The following SFPQ variants were observed in gnomAD, a reference collection of about 807,000 sequenced individuals.
SFPQ encodes the protein splicing factor, proline- and glutamine-rich.
A neutral mutation model predicts 72.9 loss-of-function variants in SFPQ; 11 were observed. The observed-to-expected ratio is 0.15, with a 90% confidence interval of 0.09 to 0.25. The LOEUF (loss-of-function observed/expected upper bound fraction) is 0.25. Ranked by LOEUF, SFPQ falls within the 10% of genes least tolerant of loss-of-function variation. The pLI is 1.00. For synonymous variants in SFPQ, 506 were observed against 367.3 expected (o/e 1.38, Z -4.32); for missense variants, 847 against 993.3 (o/e 0.85, Z 1.98).
downstream of SFPQ, chr1:35,178,488 G>A (rs1441325268): frequency 9.4e-7 from 1 of 1,063,672 alleles, no homozygotes. Context: ...TCCTCCAAGA[G>A]TGCCCAACTC....
chr1:35,189,957 C>A (rs1376401517), intron 4 of SFPQ, among the ~76,000 whole-genome samples: 5 of 150,982 alleles, frequency 3.3e-5, no homozygotes, highest in Non-Finnish European at 4.4e-5. Context: ...AGCTCAAAAA[C>A]AAAACAAAAA....
intron 6 of SFPQ, among the ~76,000 whole-genome samples, chr1:35,188,401 T>C (rs1331106939): frequency 1.3e-5 from 2 of 152,348 alleles, no homozygotes; most frequent in African/African-American, 4.8e-5. Flanking sequence ...TGTTAGTGCA[T>C]AAGTCAAGGA....
At chr1:35,192,153 G>T (rs906333088) in intron 1 of SFPQ, 69 bp downstream of exon 1, 2 of 1,214,684 alleles carry the variant, frequency 1.6e-6, no homozygotes, top group Admixed American at 4.2e-5. Context: ...GCCCAGCGCG[G>T]GGGCGGGGGC....
Position 35,183,242 on chromosome 1 carries a change from ACAGAGT to A in SFPQ, c.*1208_*1213del. ...TACTAAACCTTTTTTTTTTTTTGAG[ACAGAGT>A]CTCGCTCTGTTGTCCAGGCTGGAGT... On this transcript the variant is annotated 3_prime_UTR_variant, in exon 10 of 10. Coordinates refer to ENST00000357214, the MANE Select transcript of SFPQ (RefSeq NM_005066.3). 3.4e-6 allele frequency: 3 copies of A among 880,782 alleles called. No homozygotes were observed. Among genetic ancestry groups the A allele is most frequent in the Non-Finnish European group, 4.1e-6 (3 of 726,478 alleles). 54.6% of individuals were successfully genotyped at this position (880,782 alleles called of 1,614,324 possible).
downstream of SFPQ, chr1:35,179,638 C>T: frequency 1.9e-6 from 2 of 1,055,134 alleles, no homozygotes; most frequent in Non-Finnish European, 2.3e-6. Context: ...CTAGTAAGAA[C>T]ACACTAACGT....
At chr1:35,176,873 CAAAAA>C (rs10604866) in intron 5 of SFPQ, among the ~76,000 whole-genome samples, 3 of 91,646 alleles carry the variant, frequency 3.3e-5, no homozygotes, top group Non-Finnish European at 8.2e-5. Flanking sequence ...GACTCCGTCT[CAAAAA>C]AAAAAAAAAA....
At chr1:35,189,548 ACT>A (rs1639893237) in intron 4 of SFPQ, among the ~76,000 whole-genome samples, 166 bp from the exon 5 acceptor site, 1 of 152,170 alleles carries the variant, frequency 6.6e-6, no homozygotes. Context: ...TACTCAGAAC[ACT>A]CAGTAAAAGA....
chr1:35,192,801 T>TGGCGGCTGCTGCGGC lies in SFPQ; in HGVS notation c.234_248dup (p.Gln80_Pro84dup), dbSNP rs1557819576. On this transcript the variant is annotated inframe_insertion, in exon 1 of 10. Coordinates refer to ENST00000357214, the MANE Select transcript of SFPQ (RefSeq NM_005066.3). ...GTGGATGCGGCGGCGGCTGATGCGGTGGCGGCTGCTGCGGCGGTGGCTGCT... is the reference window on the plus strand; with the variant it reads ...GTGGATGCGGCGGCGGCTGATGCGGTGGCGGCTGCTGCGGCGGCGGCTGCTGCGGCGGTGGCTGCT... The TGGCGGCTGCTGCGGC allele has an allele frequency of 2.7e-5, 41 of 1,497,788 alleles. No individual in the cohort carries two copies. Among genetic ancestry groups the TGGCGGCTGCTGCGGC allele is most frequent in the Non-Finnish European group, 2.9e-5 (33 of 1,130,086 alleles). 92.8% of individuals were successfully genotyped at this position (1,497,788 alleles called of 1,614,324 possible). A position where few individuals can be genotyped will look rare whatever the true frequency, so the allele number is the denominator to read the frequency against.
Position 35,188,017 on chromosome 1 carries a change from G to A in SFPQ, c.1771C>T (p.Arg591Cys), listed in dbSNP as rs779173588. The change falls in exon 7 of 10, where the codon CGC (arginine) becomes TGC (cysteine). Residue 591 changes from arginine (R) to cysteine (C), a missense_variant. Physicochemically the swap from Arg to Cys is radical, Grantham distance 180. Coordinates refer to ENST00000357214, the MANE Select transcript of SFPQ (RefSeq NM_005066.3). ...RQREMEEQMR[R>C]QREESYSRMG... is the part of the protein sequence containing the mutation. ...CGGCTGTAACTTTCCTCTCTTTGGC[G>A]CCTCATTTGTTCTTCCATCTCACGT... The A allele has an allele frequency of 3.7e-6, 6 of 1,614,000 alleles. No homozygotes were observed. The highest frequency in any genetic ancestry group is 5.1e-6 in the Non-Finnish European group (6 of 1,179,958).
downstream of SFPQ, chr1:35,179,424 C>T (rs1040961082): frequency 2.7e-5 from 28 of 1,055,566 alleles, no homozygotes; most frequent in Admixed American, 6.0e-4. Flanking sequence ...CCTAACAGTA[C>T]GAAAATACAT....
chr1:35,184,366 A>T lies in SFPQ; in HGVS notation c.*90T>A. The T allele has an allele frequency of 5.7e-6, 9 of 1,566,272 alleles. No individual in the cohort carries two copies. Among genetic ancestry groups the T allele is most frequent in the Middle Eastern group, 1.7e-4 (1 of 5,884 alleles). On this transcript the variant is annotated 3_prime_UTR_variant, in exon 10 of 10. Coordinates refer to ENST00000357214, the MANE Select transcript of SFPQ (RefSeq NM_005066.3). Reference sequence around the variant, plus strand: ...ATAAACTGCTAACATCCATAAAAAGATAGCTTTCTTACTAAAATGCAAGAA... The same window carrying T: ...ATAAACTGCTAACATCCATAAAAAGTTAGCTTTCTTACTAAAATGCAAGAA...
Position 35,192,292 on chromosome 1 carries a change from T to G in SFPQ, c.758A>C (p.Gln253Pro). Reference protein sequence around the residue: ...GGRQHHPPYHQQHHQGPPPGG... With the variant: ...GGRQHHPPYHPQHHQGPPPGG... ...GGGCGGGGGCCCCTGGTGATGCTGC[T>G]GGTGGTAGGGCGGGTGGTGCTGGCG... is the stretch of plus-strand genomic sequence containing the variant. The change falls in exon 1 of 10, where the codon CAG becomes CCG. Residue 253 changes from glutamine (Q) to proline (P), a missense_variant. By Grantham distance (76) the Gln-to-Pro change is moderately conservative (BLOSUM62 -1). Around this residue, in one of 6 missense-constraint regions of SFPQ, gnomAD observed 498 missense variants for 405.1 expected, o/e 1.23. Coordinates refer to ENST00000357214, the MANE Select transcript of SFPQ (RefSeq NM_005066.3). The G allele has an allele frequency of 6.8e-7, 1 of 1,460,840 alleles. No individual in the cohort carries two copies. Among genetic ancestry groups the G allele is most frequent in the South Asian group, 1.3e-5 (1 of 76,668 alleles). 90.5% of individuals were successfully genotyped at this position (1,460,840 alleles called of 1,614,324 possible).
At chr1:35,179,985 T>TA (rs1473317544), downstream of SFPQ, 20 of 1,050,156 alleles carry the variant, frequency 1.9e-5, no homozygotes, top group Non-Finnish European at 2.1e-5. Flanking sequence ...GAGGCTAAAC[T>TA]AGTCATCATT....
intron 9 of SFPQ, among the ~76,000 whole-genome samples, chr1:35,185,205 C>T (rs183960338): frequency 1.3e-5 from 2 of 152,342 alleles, no homozygotes. Context: ...TTAACCGGCA[C>T]AGTAACTTGA....
At position 35,183,992 on chromosome 1, in the gene SFPQ, T is replaced by C; in HGVS notation, c.*464A>G. 1.9e-6 allele frequency: 2 copies of C among 1,056,482 alleles called. No homozygotes were observed. The highest frequency in any genetic ancestry group is 9.1e-5 in the South Asian group (2 of 22,012). The allele number at this position is 1,056,482 out of a possible 1,614,324, so 65.4% of individuals were successfully genotyped here. Reference sequence around the variant, plus strand: ...GGCAATTATTTGTAGAAAGCAATACTTAGCCTCCAGATGCATTTCCCAGAA... The same window carrying C: ...GGCAATTATTTGTAGAAAGCAATACCTAGCCTCCAGATGCATTTCCCAGAA... On this transcript the variant is annotated 3_prime_UTR_variant, in exon 10 of 10. Transcript: ENST00000357214.
chr1:35,179,760 C>CA, downstream of SFPQ: 4 of 1,054,526 alleles, frequency 3.8e-6, no homozygotes, highest in Non-Finnish European at 4.6e-6. Context: ...TATTATATAC[C>CA]AAGTACATTC....
rs776963224 is a variant in SFPQ at position 35,183,225 on chromosome 1, CT to C, written c.*1230del. ...AACTAAACCTACTTCAGTACTAAAC[CT>C]TTTTTTTTTTTTGAGACAGAGTCTC... On this transcript the variant is annotated 3_prime_UTR_variant, in exon 10 of 10. Coordinates refer to ENST00000357214, the MANE Select transcript of SFPQ (RefSeq NM_005066.3). The C allele has an allele frequency of 0.13, 88,781 of 699,992 alleles. 13 individuals are homozygous for C. The highest frequency in any genetic ancestry group is 0.14 in the Middle Eastern group (198 of 1,460). The allele number at this position is 699,992 out of a possible 1,614,324, so 43.4% of individuals were successfully genotyped here.
downstream of SFPQ, chr1:35,181,185 C>T: frequency 9.4e-7 from 1 of 1,065,284 alleles, no homozygotes; most frequent in Non-Finnish European, 1.1e-6. Context: ...ATACTACATC[C>T]GGGTCCTAAT....
chr1:35,181,851 A>G, downstream of SFPQ: 4 of 984,466 alleles, frequency 4.1e-6, no homozygotes, highest in South Asian at 9.4e-5. Flanking sequence ...AGACTTATTG[A>G]AAGTCTATTT....
Sources: allele counts gnomAD v4.1 joint callset (sites outside exome capture counted in the v4.1 genomes callset), GRCh38; gene constraint gnomAD v4.1.1; regional missense constraint gnomAD v4.1.1; transcripts MANE v1.5; gene names NCBI Gene and HGNC (gene_info 2026-07-23, HGNC 2026-07-21).